PTPRM: variants seen among roughly 807,000 people sequenced by gnomAD.
The protein encoded by PTPRM is protein tyrosine phosphatase receptor type M, also known as receptor-type tyrosine-protein phosphatase mu.
A neutral mutation model predicts 186.7 loss-of-function variants in PTPRM; 47 were observed. The ratio of observed to expected loss-of-function variants is 0.25; its 90% CI spans 0.20 to 0.32. PTPRM has a LOEUF of 0.32. Ranked by LOEUF, PTPRM falls within the 10% of genes least tolerant of loss-of-function variation. The pLI, the probability that PTPRM is intolerant of heterozygous loss-of-function variation, is 1.00. For synonymous variants in PTPRM, 668 were observed against 674.9 expected (o/e 0.99, Z 0.16); for missense variants, 1,494 against 1,865.0 (o/e 0.80, Z 3.66).
intron 14 of PTPRM, among the ~76,000 whole-genome samples, chr18:8,183,469 C>A (rs983749180): frequency 1.3e-5 from 2 of 152,182 alleles, no homozygotes; most frequent in African/African-American, 4.8e-5. Flanking sequence ...GTTTGTCCTG[C>A]AATATCTGCT....
intron 1 of PTPRM, among the ~76,000 whole-genome samples, chr18:7,659,437 T>TA (rs1462105893): frequency 6.6e-6 from 1 of 152,200 alleles, no homozygotes; most frequent in Non-Finnish European, 1.5e-5. Flanking sequence ...CCTAGGCACT[T>TA]ACCTGCAGTC....
intron 19 of PTPRM, among the ~76,000 whole-genome samples, chr18:8,290,628 G>A (rs2147836633): frequency 6.6e-6 from 1 of 152,278 alleles, no homozygotes; most frequent in East Asian, 1.9e-4. Flanking sequence ...TGTGCCCATG[G>A]AGAGTACAGC....
intron 7 of PTPRM, among the ~76,000 whole-genome samples, chr18:8,004,702 C>G (rs2147801868): frequency 1.3e-5 from 2 of 152,154 alleles, no homozygotes; most frequent in East Asian, 3.9e-4. Context: ...AACACAATTA[C>G]TTTTGCACCA....
chr18:7,794,285 A>G (rs1212777345), intron 2 of PTPRM, among the ~76,000 whole-genome samples: 1 of 152,186 alleles, frequency 6.6e-6, no homozygotes, highest in Non-Finnish European at 1.5e-5. Flanking sequence ...CCTGTAACAC[A>G]TGCCCACTGG....
At chr18:7,646,038 T>C (rs1283319081) in intron 1 of PTPRM, among the ~76,000 whole-genome samples, 1 of 152,094 alleles carries the variant, frequency 6.6e-6, no homozygotes, top group African/African-American at 2.4e-5. Context: ...TCTGGCGAGC[T>C]CTGTGGGGAA....
chr18:7,707,555 C>T (rs1260918488), intron 1 of PTPRM, among the ~76,000 whole-genome samples: 2 of 151,956 alleles, frequency 1.3e-5, no homozygotes, highest in African/African-American at 2.4e-5. Context: ...GGGGGGATTG[C>T]TTGAGCCCAG....
intron 2 of PTPRM, among the ~76,000 whole-genome samples, chr18:7,872,348 CAT>C (rs1257239315): frequency 2.6e-5 from 4 of 152,128 alleles, no homozygotes; most frequent in Admixed American, 2.0e-4. Context: ...CTTAGATTAC[CAT>C]TGGTCTACTA....
At chr18:8,317,427 T>A (rs1404722534) in intron 21 of PTPRM, among the ~76,000 whole-genome samples, 1 of 151,762 alleles carries the variant, frequency 6.6e-6, no homozygotes, top group Non-Finnish European at 1.5e-5. Flanking sequence ...CCAGTGGAGG[T>A]GTTGAGCAGG....
intron 1 of PTPRM, among the ~76,000 whole-genome samples, chr18:7,652,683 C>T (rs2038742995): frequency 7.1e-6 from 1 of 141,592 alleles, no homozygotes; most frequent in Non-Finnish European, 1.5e-5. Flanking sequence ...TATTCTCACT[C>T]ATAGGTGGGA....
At position 8,374,789 on chromosome 18, in the gene PTPRM, C is replaced by T. The variant is rs536786605; in HGVS notation, c.3172-1257C>T. On this transcript the variant is annotated intron_variant, in intron 24 of 32. Transcript: ENST00000580170. ...TGAAGACATGTTAACACATGGGTGC[C>T]AAGGAAGTCTTATCTCGAAATCTGC... is the stretch of plus-strand genomic sequence containing the variant. Among the ~76,000 whole-genome samples the T allele has an allele frequency of 3.3e-5, 5 of 152,300 alleles. No homozygotes were observed. In the South Asian group the frequency reaches 6.2e-4, roughly 19 times the overall value.
intron 13 of PTPRM, chr18:8,122,083 C>T (rs1314602165): frequency 6.6e-6 from 1 of 152,178 alleles, no homozygotes; most frequent in Non-Finnish European, 1.5e-5. Flanking sequence ...CAGCACCTTG[C>T]TATGTTTTTT....
intron 31 of PTPRM, among the ~76,000 whole-genome samples, chr18:8,392,589 T>A (rs905572531): frequency 6.6e-6 from 1 of 151,520 alleles, no homozygotes; most frequent in Non-Finnish European, 1.5e-5. Context: ...ATCGCGCCAC[T>A]GCACTCCAGC....
chr18:8,367,093 G>A (rs1228823731), intron 23 of PTPRM: 1 of 152,150 alleles, frequency 6.6e-6, no homozygotes, highest in Non-Finnish European at 1.5e-5. Context: ...TCTAAATGCA[G>A]AGAGAACGAA....
At chr18:7,790,253 T>TA (rs1282293401) in intron 2 of PTPRM, among the ~76,000 whole-genome samples, 2 of 152,214 alleles carry the variant, frequency 1.3e-5, no homozygotes, top group Non-Finnish European at 2.9e-5. Flanking sequence ...CCCCAGTAGA[T>TA]ACGAACAATA....
chr18:7,872,748 G>A (rs2048043993), intron 2 of PTPRM, among the ~76,000 whole-genome samples: 2 of 152,210 alleles, frequency 1.3e-5, no homozygotes, highest in South Asian at 4.1e-4. Context: ...GCCTCTGTGA[G>A]TCATCACAGA....
At chr18:7,822,977 C>T (rs1290835914) in intron 2 of PTPRM, among the ~76,000 whole-genome samples, 1 of 152,154 alleles carries the variant, frequency 6.6e-6, no homozygotes, top group Admixed American at 6.5e-5. Flanking sequence ...CAGCAGCATT[C>T]CTGGCCTCTG....
intron 7 of PTPRM, among the ~76,000 whole-genome samples, chr18:8,056,424 C>T (rs535339375): frequency 1.3e-5 from 2 of 152,138 alleles, no homozygotes; most frequent in South Asian, 2.1e-4. Context: ...GCCAGGAGTT[C>T]GAGACCAGCC....
intron 1 of PTPRM, among the ~76,000 whole-genome samples, chr18:7,695,969 G>A (rs955661104): frequency 1.3e-5 from 2 of 152,178 alleles, no homozygotes; most frequent in Non-Finnish European, 2.9e-5. Context: ...GACACTGACA[G>A]CATTATTAAT....
At chr18:7,630,329 T>C (rs926366418) in intron 1 of PTPRM, among the ~76,000 whole-genome samples, 1 of 152,006 alleles carries the variant, frequency 6.6e-6, no homozygotes, top group Non-Finnish European at 1.5e-5. Flanking sequence ...CCAAAGGTGA[T>C]ATAGACAAGA....
Sources: gnomAD v4.1 joint callset for allele counts (sites outside exome capture counted in the v4.1 genomes callset) on GRCh38, gnomAD v4.1.1 for gene constraint, MANE v1.5 for transcripts, NCBI Gene and HGNC (gene_info 2026-07-23, HGNC 2026-07-21) for gene names.